Variants in CKLF observed in about 807,000 individuals in gnomAD.
CKLF encodes chemokine like factor.
Under a neutral mutation model 12.9 loss-of-function variants are expected in CKLF, and 16 were observed. That is an observed-to-expected ratio of 1.24 (90% CI 0.84 to 1.88). CKLF has a LOEUF of 1.88. Among genes scored for constraint, CKLF ranks in the 40% most tolerant of loss-of-function variants. The probability of loss-of-function intolerance (pLI) is 0.00; values close to 1 mark genes in which losing one functional copy is unlikely to be tolerated. For synonymous variants in CKLF, 61 were observed against 69.0 expected (o/e 0.88, Z 0.57); for missense variants, 172 against 188.5 (o/e 0.91, Z 0.51).
intron 1 of CKLF, among the ~76,000 whole-genome samples, chr16:66,554,869 G>T (rs1431514009): frequency 6.6e-6 from 1 of 152,206 alleles, no homozygotes; most frequent in Admixed American, 6.5e-5. Context: ...AAGGAAACCA[G>T]CGTAACTGGA....
At position 66,565,972 on chromosome 16, in the gene CKLF, C is replaced by A. The variant is rs1200768108; in HGVS notation, c.420C>A (p.Tyr140Ter). 1.9e-6 allele frequency: 3 copies of A among 1,612,836 alleles called. No homozygotes were observed. The highest frequency in any genetic ancestry group is 2.5e-6 in the Non-Finnish European group (3 of 1,178,878). The change falls in exon 4 of 4, where the codon TAC becomes TAA. Residue 140 changes from tyrosine (Y) to a stop codon, truncating the protein, a stop_gained. Coordinates refer to ENST00000264001, the MANE Select transcript of CKLF (RefSeq NM_016951.4). LOFTEE classifies it low-confidence loss of function (END_TRUNC). ...RKLLFNPSGP[Y>*]QKKPVHEKKE... is the part of the protein sequence containing the mutation. ...TTCTGTTCAATCCCAGCGGTCCTTACCAGAAAAAGCCTGTGCATGAAAAAA... is the reference window on the plus strand; with the variant it reads ...TTCTGTTCAATCCCAGCGGTCCTTAACAGAAAAAGCCTGTGCATGAAAAAA...
At chr16:66,562,236 C>T (rs2011783824) in intron 2 of CKLF, among the ~76,000 whole-genome samples, 1 of 152,170 alleles carries the variant, frequency 6.6e-6, no homozygotes, top group South Asian at 2.1e-4. Context: ...AGGCGCTCAC[C>T]ACCATGCCTG....
chr16:66,553,367 G>T (rs763815695), intron 1 of CKLF: 1 of 152,274 alleles, frequency 6.6e-6, no homozygotes, highest in East Asian at 1.9e-4. Context: ...TGAGACAGAC[G>T]TTTGATGTGA....
At chr16:66,562,102 T>TC (rs140987296) in intron 2 of CKLF, among the ~76,000 whole-genome samples, 4 of 151,750 alleles carry the variant, frequency 2.6e-5, no homozygotes, top group Admixed American at 2.6e-4. Flanking sequence ...TTTTTTTTTT[T>TC]GAGACGGAGT....
At chr16:66,556,707 T>G (rs759099589) in intron 1 of CKLF, among the ~76,000 whole-genome samples, 18 of 152,236 alleles carry the variant, frequency 1.2e-4, no homozygotes, top group Non-Finnish European at 2.1e-4. Context: ...TTATAAAGAA[T>G]GAAGTTACTT....
intron 2 of CKLF, 200 bp downstream of exon 2, chr16:66,558,548 G>A: frequency 1.7e-6 from 1 of 594,180 alleles, no homozygotes. Flanking sequence ...CAGAGCATAA[G>A]TTCTCTGCAC....
intron 1 of CKLF, among the ~76,000 whole-genome samples, chr16:66,553,703 G>T (rs1056668677): frequency 6.6e-6 from 1 of 152,238 alleles, no homozygotes; most frequent in African/African-American, 2.4e-5. Flanking sequence ...TCCAATTAAT[G>T]TGAGGAGGAA....
chr16:66,557,946 G>A (rs2011513508), intron 1 of CKLF, among the ~76,000 whole-genome samples: 1 of 152,102 alleles, frequency 6.6e-6, no homozygotes, highest in Non-Finnish European at 1.5e-5. Flanking sequence ...TTATATGTGT[G>A]TGTATATGGC....
At chr16:66,566,188 G>A (rs1259239807), downstream of CKLF, 31 of 1,532,868 alleles carry the variant, frequency 2.0e-5, 1 homozygote, top group East Asian at 7.5e-4. The surrounding 1 kb of genome is among the most constrained non-coding windows in gnomAD (Gnocchi z 4.9). Flanking sequence ...AGCGGGATCG[G>A]GTTTTCCGGC....
intron 2 of CKLF, chr16:66,558,564 A>T: frequency 2.1e-6 from 1 of 478,450 alleles, no homozygotes; most frequent in Non-Finnish European, 3.5e-6. Context: ...TGCACCATCT[A>T]TCAGTAGATG....
intron 2 of CKLF, among the ~76,000 whole-genome samples, chr16:66,562,790 A>T (rs943858251): frequency 1.3e-5 from 2 of 152,088 alleles, no homozygotes; most frequent in Non-Finnish European, 1.5e-5. Flanking sequence ...GCATGATCTC[A>T]GTTCACTGTA....
Position 66,563,303 on chromosome 16 carries a change from A to G in CKLF, c.333+86A>G, listed in dbSNP as rs958097180. On this transcript the variant is annotated intron_variant, in intron 3 of 3. Coordinates refer to ENST00000264001, the MANE Select transcript of CKLF (RefSeq NM_016951.4). ...AAAACAGATGTAAGAATAGAAAGCT[A>G]TACTATATTCATCCTTGAGATTCCT... is the stretch of plus-strand genomic sequence containing the variant. 18 of 1,492,754 alleles carry G rather than the reference A, an allele frequency of 1.2e-5. No homozygotes were observed. The Admixed American group carries it at 3.3e-4, about 27-fold the overall frequency. 92.5% of individuals were successfully genotyped at this position (1,492,754 alleles called of 1,614,324 possible).
intron 1 of CKLF, among the ~76,000 whole-genome samples, chr16:66,555,052 G>C (rs1473807784): frequency 6.6e-6 from 1 of 152,084 alleles, no homozygotes; most frequent in Non-Finnish European, 1.5e-5. Flanking sequence ...TGACCAACAT[G>C]GTGAAACCCC....
chr16:66,562,934 C>T, intron 2 of CKLF, 188 bp from the exon 3 acceptor site: 2 of 656,510 alleles, frequency 3.0e-6, no homozygotes, highest in Non-Finnish European at 5.2e-6. Flanking sequence ...GTCGGCCAGG[C>T]TGGTCTCAAA....
At chr16:66,554,090 T>C (rs926842214) in intron 1 of CKLF, among the ~76,000 whole-genome samples, 1 of 152,238 alleles carries the variant, frequency 6.6e-6, no homozygotes, top group Non-Finnish European at 1.5e-5. Context: ...AGAATGGTCC[T>C]GTGAGAATGG....
Position 66,558,180 on chromosome 16 carries a change from T to C in CKLF, c.79-10T>C. Reference sequence around the variant, plus strand: ...TGTCACTGAATAAATCGTGGGTTTTTTTCTTCTAGGCACTAACTGTGACAT... The same window carrying C: ...TGTCACTGAATAAATCGTGGGTTTTCTTCTTCTAGGCACTAACTGTGACAT... On this transcript the variant is annotated splice_polypyrimidine_tract_variant and intron_variant, in intron 1 of 3. Coordinates refer to ENST00000264001, the MANE Select transcript of CKLF (RefSeq NM_016951.4). The C allele has an allele frequency of 1.2e-6, 2 of 1,604,058 alleles. No individual in the cohort carries two copies. The highest frequency in any genetic ancestry group is 2.2e-5 in the East Asian group (1 of 44,836).
At chr16:66,566,198 C>A, downstream of CKLF, 1 of 1,520,522 alleles carries the variant, frequency 6.6e-7, no homozygotes, top group Non-Finnish European at 8.8e-7. The surrounding 1 kb of genome is among the most constrained non-coding windows in gnomAD (Gnocchi z 4.9). Context: ...GGTTTTCCGG[C>A]ACCCGGGCCT....
intron 1 of CKLF, among the ~76,000 whole-genome samples, chr16:66,556,676 T>G (rs1190466160): frequency 6.6e-6 from 1 of 152,206 alleles, no homozygotes. Flanking sequence ...GATTATGTGT[T>G]GCTAATAGTA....
At chr16:66,557,628 A>G (rs1210696304) in intron 1 of CKLF, among the ~76,000 whole-genome samples, 1 of 152,234 alleles carries the variant, frequency 6.6e-6, no homozygotes, top group East Asian at 1.9e-4. Flanking sequence ...AAGCATAACA[A>G]CAGTAGAAAA....
Sources: gnomAD v4.1 joint callset for allele counts (sites outside exome capture counted in the v4.1 genomes callset) on GRCh38, gnomAD v4.1.1 for gene constraint, Gnocchi (gnomAD v3.1) non-coding constraint, MANE v1.5 for transcripts, NCBI Gene and HGNC (gene_info 2026-07-23, HGNC 2026-07-21) for gene names.